RARB: variants seen among roughly 807,000 people sequenced by gnomAD.
RARB encodes the protein retinoic acid receptor beta.
In RARB, 17 loss-of-function variants were observed where a neutral mutation model predicts 51.9. That is an observed-to-expected ratio of 0.33 (90% CI 0.22 to 0.49). RARB has a LOEUF of 0.49. RARB is among the 20% of genes least tolerant of loss of function. RARB has a pLI of 0.99. For missense variants in RARB, 369 were observed against 550.8 expected (o/e 0.67, Z 3.30); for synonymous variants, 215 against 195.4 (o/e 1.10, Z -0.84).
At chr3:25,589,967 C>T (rs556279675) in intron 5 of RARB, among the ~76,000 whole-genome samples, 82 of 152,354 alleles carry the variant, frequency 5.4e-4, no homozygotes, top group Middle Eastern at 3.4e-3. Context: ...GACTTGGGTT[C>T]TCTCCAGAGA....
rs936983802 is a variant in RARB, at chr3:25,239,542, A to G, written c.178+64967A>G. Among the ~76,000 whole-genome samples, 11 of 152,276 alleles carry G rather than the reference A, an allele frequency of 7.2e-5. 1 individual carries two copies. The highest frequency in any genetic ancestry group is 2.6e-4 in the Admixed American group (4 of 15,294). On this transcript the variant is annotated intron_variant, in intron 5 of 11. Transcript: ENST00000383772. ...ATGGGTGTCCAATTTTCCCAGCACC[A>G]TTTATTGAAGAGGATGTCCTTTTCC... is the stretch of plus-strand genomic sequence containing the variant.
At chr3:24,853,171 G>A (rs4858656) in intron 1 of RARB, among the ~76,000 whole-genome samples, 1 of 150,576 alleles carries the variant, frequency 6.6e-6, no homozygotes, top group Admixed American at 6.6e-5. Context: ...AAAAAAATTA[G>A]CCAGGCATGG....
intron 1 of RARB, among the ~76,000 whole-genome samples, chr3:25,447,126 T>C (rs77784227): frequency 0.048 from 7,265 of 152,306 alleles, 292 homozygotes; most frequent in Admixed American, 0.13. Context: ...TCCCCCGCCA[T>C]ATAAAGTGTG....
At chr3:25,392,628 A>G (rs1162766053) in intron 5 of RARB, among the ~76,000 whole-genome samples, 1 of 151,758 alleles carries the variant, frequency 6.6e-6, no homozygotes, top group Non-Finnish European at 1.5e-5. Flanking sequence ...CTATATTCCT[A>G]TGTATATTTT....
chr3:25,124,982 T>C (rs1699839007), intron 3 of RARB, among the ~76,000 whole-genome samples: 1 of 152,236 alleles, frequency 6.6e-6, no homozygotes, highest in Admixed American at 6.5e-5. Context: ...ATGACTTATA[T>C]AAAACTTAAC....
At chr3:25,578,392 T>A (rs1276191847) in intron 4 of RARB, among the ~76,000 whole-genome samples, 2 of 152,130 alleles carry the variant, frequency 1.3e-5, no homozygotes, top group African/African-American at 4.8e-5. Flanking sequence ...GACAGGCTCC[T>A]CTCTCTCAGC....
chr3:25,320,767 T>C (rs1704547997), intron 5 of RARB, among the ~76,000 whole-genome samples: 2 of 152,330 alleles, frequency 1.3e-5, no homozygotes, highest in East Asian at 3.9e-4. Flanking sequence ...TTTTGTTTGT[T>C]TGTTTTTGAC....
intron 2 of RARB, among the ~76,000 whole-genome samples, chr3:25,470,275 G>GA (rs919731243): frequency 3.3e-5 from 5 of 151,006 alleles, no homozygotes; most frequent in Admixed American, 6.6e-5. Context: ...AGCAAGAAAA[G>GA]AAAAAAAAAG....
At chr3:25,346,266 T>A (rs933531594) in intron 5 of RARB, among the ~76,000 whole-genome samples, 2 of 152,200 alleles carry the variant, frequency 1.3e-5, no homozygotes, top group Non-Finnish European at 2.9e-5. Flanking sequence ...TCCTCTAGCT[T>A]GGTTGCCTGA....
chr3:25,308,311 C>T (rs1473140933), intron 5 of RARB, among the ~76,000 whole-genome samples: 3 of 152,208 alleles, frequency 2.0e-5, no homozygotes, highest in African/African-American at 7.2e-5. Flanking sequence ...ACAAATCTAT[C>T]TCCTTGTAAG....
At chr3:25,515,027 T>C (rs1698088048) in intron 3 of RARB, among the ~76,000 whole-genome samples, 1 of 152,200 alleles carries the variant, frequency 6.6e-6, no homozygotes, top group African/African-American at 2.4e-5. Flanking sequence ...GAGTGAGTTA[T>C]TTCAGGAAGA....
intron 5 of RARB, among the ~76,000 whole-genome samples, chr3:25,260,362 T>C (rs2125406404): frequency 6.6e-6 from 1 of 152,260 alleles, no homozygotes; most frequent in South Asian, 2.1e-4. Flanking sequence ...AAGAGAACTG[T>C]CCCAGATTGT....
At chr3:25,439,579 GGAGA>G (rs928226983) in intron 1 of RARB, among the ~76,000 whole-genome samples, 7 of 151,918 alleles carry the variant, frequency 4.6e-5, no homozygotes, top group African/African-American at 1.7e-4. Flanking sequence ...CTAGGTTTTT[GGAGA>G]GAGAGGGTTT....
chr3:25,530,374 G>T (rs910967069), intron 3 of RARB, among the ~76,000 whole-genome samples: 4 of 152,314 alleles, frequency 2.6e-5, no homozygotes, highest in Admixed American at 2.6e-4. Context: ...ACATTTAGCG[G>T]CTTGAACTAA....
At chr3:25,124,882 T>C (rs984919529) in intron 3 of RARB, among the ~76,000 whole-genome samples, 1 of 152,204 alleles carries the variant, frequency 6.6e-6, no homozygotes, top group Non-Finnish European at 1.5e-5. Flanking sequence ...TTACAATAGA[T>C]TGGTCTTTTC....
chr3:25,141,357 G>GTTTTTAGC (rs1258134695), intron 4 of RARB, among the ~76,000 whole-genome samples: 1 of 151,924 alleles, frequency 6.6e-6, no homozygotes, highest in East Asian at 1.9e-4. Context: ...CCTTTGATTT[G>GTTTTTAGC]TTTTTAGCTT....
intron 5 of RARB, among the ~76,000 whole-genome samples, chr3:25,253,531 G>C (rs981655620): frequency 1.3e-5 from 2 of 152,088 alleles, no homozygotes; most frequent in African/African-American, 4.8e-5. Context: ...AGGGTCCCCA[G>C]ACATAATTTA....
chr3:25,069,303 T>C (rs564415124), intron 3 of RARB, among the ~76,000 whole-genome samples: 8 of 152,204 alleles, frequency 5.3e-5, no homozygotes, highest in African/African-American at 1.2e-4. Flanking sequence ...TTATTCACTT[T>C]GGGCAGAAGT....
At chr3:24,925,605 G>A (rs1280524910) in intron 2 of RARB, among the ~76,000 whole-genome samples, 3 of 140,342 alleles carry the variant, frequency 2.1e-5, no homozygotes, top group Non-Finnish European at 3.0e-5. Context: ...AAGAGCTCAC[G>A]ATTCCACTCT....
Sources: allele counts gnomAD v4.1 joint callset (sites outside exome capture counted in the v4.1 genomes callset), GRCh38; gene constraint gnomAD v4.1.1; transcripts MANE v1.5; gene names NCBI Gene and HGNC (gene_info 2026-07-23, HGNC 2026-07-21).